The following PPFIBP1 variants were observed in gnomAD, a reference collection of about 807,000 sequenced individuals.
PPFIBP1 encodes liprin-beta-1.
In PPFIBP1, 112 loss-of-function variants were observed where a neutral mutation model predicts 137.8. That is an observed-to-expected ratio of 0.81 (90% confidence interval 0.70 to 0.95). The LOEUF (loss-of-function observed/expected upper bound fraction) is 0.95, where lower values mean the gene tolerates loss of function less well. Ranked by LOEUF, PPFIBP1 falls within the 40% of genes least tolerant of loss-of-function variation. The probability of loss-of-function intolerance (pLI) is 0.00; values close to 1 mark genes in which losing one functional copy is unlikely to be tolerated. For synonymous variants in PPFIBP1, 378 were observed against 417.3 expected, an observed-to-expected ratio of 0.91 and a Z score of 1.15; for missense variants, 1,083 against 1,196.6, an observed-to-expected ratio of 0.91 and a Z score of 1.40.
intron 12 of PPFIBP1, among the ~76,000 whole-genome samples, chr12:27,666,918 A>G (rs979286891): frequency 9.2e-5 from 14 of 152,212 alleles, no homozygotes; most frequent in African/African-American, 3.4e-4. Context: ...GAGTCAATGT[A>G]TCGAGTATGA....
In PPFIBP1 at chr12:27,667,290, T is replaced by C. The variant is rs756639335; in HGVS notation, c.1116T>C (p.Cys372=). The C allele has an allele frequency of 1.9e-6, 3 of 1,609,594 alleles. No individual in the cohort carries two copies. Among genetic ancestry groups the C allele is most frequent in the Admixed American group, 3.4e-5 (2 of 58,898 alleles). Residue 372 remains cysteine, a synonymous_variant, in exon 13 of 30, where the codon TGT becomes TGC. Transcript: ENST00000228425. ...CTCCAGTAATGGGATCTCCCAGTTG[T>C]GACCCATTTAACACAAGTGTTCCCG... The part of the protein sequence containing the change: ...SPTPVMGSPS[C]DPFNTSVPEE...
At chr12:27,538,930 A>AT (rs1438816547) in intron 1 of PPFIBP1, among the ~76,000 whole-genome samples, 3 of 152,122 alleles carry the variant, frequency 2.0e-5, no homozygotes, top group Non-Finnish European at 2.9e-5. Context: ...GTCAAGAGAC[A>AT]TTTTTTGTGT....
chr12:27,679,115 T>C (rs2060731240), intron 19 of PPFIBP1, among the ~76,000 whole-genome samples: 1 of 151,942 alleles, frequency 6.6e-6, no homozygotes, highest in African/African-American at 2.4e-5. Flanking sequence ...ATGACAGATG[T>C]AGGAGAGTGG....
chr12:27,596,589 A>C (rs1302246472), intron 2 of PPFIBP1, among the ~76,000 whole-genome samples: 1 of 152,094 alleles, frequency 6.6e-6, no homozygotes, highest in Non-Finnish European at 1.5e-5. Context: ...TGATGCCATC[A>C]TAACTCACTG....
chr12:27,593,730 A>G (rs906995740), intron 2 of PPFIBP1: 9 of 640,826 alleles, frequency 1.4e-5, no homozygotes, highest in Admixed American at 9.2e-5. Flanking sequence ...CCTATTAGCT[A>G]TTGAGTCTGT....
intron 2 of PPFIBP1, among the ~76,000 whole-genome samples, chr12:27,612,254 T>C (rs2055197958): frequency 6.6e-6 from 1 of 151,890 alleles, no homozygotes; most frequent in Admixed American, 6.6e-5. Context: ...GAGGTCAAGG[T>C]ATCTGCCAAG....
chr12:27,618,948 C>T (rs1005810485), intron 2 of PPFIBP1, among the ~76,000 whole-genome samples: 3 of 152,268 alleles, frequency 2.0e-5, no homozygotes, highest in Non-Finnish European at 4.4e-5. Flanking sequence ...CAGAGATACA[C>T]TTTTTCCTTA....
At chr12:27,573,673 T>C (rs1203238761) in intron 1 of PPFIBP1, among the ~76,000 whole-genome samples, 1 of 152,116 alleles carries the variant, frequency 6.6e-6, no homozygotes, top group African/African-American at 2.4e-5. Context: ...AGTTGGAGAC[T>C]AGCGTGATTA....
chr12:27,687,651 A>T, intron 25 of PPFIBP1, 144 bp downstream of exon 25: 1 of 972,930 alleles, frequency 1.0e-6, no homozygotes, highest in Non-Finnish European at 1.5e-6. Context: ...CTTTTTCTGT[A>T]TTCCTTCCTT....
chr12:27,541,007 A>G (rs538479930), intron 1 of PPFIBP1, among the ~76,000 whole-genome samples: 1 of 152,124 alleles, frequency 6.6e-6, no homozygotes, highest in East Asian at 1.9e-4. Context: ...AGTGATATGG[A>G]GGTTTAAAAT....
intron 1 of PPFIBP1, among the ~76,000 whole-genome samples, chr12:27,552,977 G>A (rs983519672): frequency 1.3e-5 from 2 of 152,106 alleles, no homozygotes; most frequent in Non-Finnish European, 2.9e-5. Context: ...ATCAGATACC[G>A]AGAGTGGGAG....
chr12:27,530,753 G>A (rs570974973), intron 1 of PPFIBP1, among the ~76,000 whole-genome samples: 116 of 152,302 alleles, frequency 7.6e-4, no homozygotes, highest in African/African-American at 2.6e-3. Context: ...TAAATAGCTG[G>A]ATGCCCCGTT....
At chr12:27,595,881 AACAAAATATATATATATAT>A (rs1321990198) in intron 2 of PPFIBP1, among the ~76,000 whole-genome samples, 22 of 32,522 alleles carry the variant, frequency 6.8e-4, no homozygotes, top group Non-Finnish European at 9.3e-4. Context: ...CAACAACAAC[AACAAAATATATATATATAT>A]ATATATATAT....
At chr12:27,554,697 T>C (rs1947101627) in intron 1 of PPFIBP1, among the ~76,000 whole-genome samples, 1 of 152,182 alleles carries the variant, frequency 6.6e-6, no homozygotes, top group African/African-American at 2.4e-5. Context: ...TTAGCAAATT[T>C]AATGCAAGTT....
intron 2 of PPFIBP1, among the ~76,000 whole-genome samples, chr12:27,605,987 G>C (rs1168168873): frequency 6.6e-6 from 1 of 152,136 alleles, no homozygotes; most frequent in Non-Finnish European, 1.5e-5. Context: ...TAGACTTCAT[G>C]GGGGTGTGGG....
intron 2 of PPFIBP1, among the ~76,000 whole-genome samples, chr12:27,600,551 T>G (rs1188185770): frequency 6.6e-6 from 1 of 152,152 alleles, no homozygotes; most frequent in Non-Finnish European, 1.5e-5. Context: ...CATATTTCAT[T>G]GTATCTTTGA....
chr12:27,645,274 C>T (rs553471911), intron 4 of PPFIBP1, among the ~76,000 whole-genome samples: 14 of 152,312 alleles, frequency 9.2e-5, no homozygotes, highest in Admixed American at 6.5e-4. Context: ...CTACTACGTA[C>T]GTTTCAAAGT....
intron 1 of PPFIBP1, among the ~76,000 whole-genome samples, chr12:27,567,633 T>A (rs1185584358): frequency 6.6e-6 from 1 of 152,200 alleles, no homozygotes; most frequent in Non-Finnish European, 1.5e-5. Context: ...TACTTGGCAC[T>A]TCATTGTCTT....
chr12:27,593,724 T>G, intron 2 of PPFIBP1: 1 of 631,652 alleles, frequency 1.6e-6, no homozygotes. Flanking sequence ...TAGAAGCCTA[T>G]TAGCTATTGA....
Sources: allele counts gnomAD v4.1 joint callset (sites outside exome capture counted in the v4.1 genomes callset), GRCh38; gene constraint gnomAD v4.1.1; transcripts MANE v1.5; gene names NCBI Gene and HGNC (gene_info 2026-07-23, HGNC 2026-07-21).